The following TBL1X variants were observed in gnomAD, a reference collection of about 807,000 sequenced individuals.
TBL1X encodes the protein transducin beta like 1 X-linked.
TBL1X carries 10 observed loss-of-function variants against 50.7 expected under a neutral mutation model. That is an observed-to-expected ratio of 0.20 (90% CI 0.12 to 0.33). TBL1X has a LOEUF of 0.33. Ranked by LOEUF, TBL1X falls within the 10% of genes least tolerant of loss-of-function variation. The pLI is 1.00. For missense variants in TBL1X, 340 were observed against 504.4 expected (o/e 0.67, Z 3.12); for synonymous variants, 190 against 214.7 (o/e 0.88, Z 1.01).
rs747036481 is a variant in TBL1X at position 9,697,493 on chromosome X, C to T, written c.1114+64C>T. 102 of 1,191,287 alleles carry T rather than the reference C, an allele frequency of 8.6e-5. No individual in the cohort carries two copies. The Middle Eastern group carries it at 9.8e-4, about 11-fold the overall frequency. ...GTAATTCAAAAATAATAATTCAGGTCGAGCCCAGTGGCTTACGCCTGTAAT... is the reference window on the plus strand; with the variant it reads ...GTAATTCAAAAATAATAATTCAGGTTGAGCCCAGTGGCTTACGCCTGTAAT... On this transcript the variant is annotated intron_variant, in intron 12 of 17. Transcript: ENST00000645353.
At chrX:9,540,635 G>A (rs759652562) in intron 2 of TBL1X, among the ~76,000 whole-genome samples, 1 of 112,761 alleles carries the variant, frequency 8.9e-6, no homozygotes, top group Non-Finnish European at 1.9e-5. Flanking sequence ...TGCTGACTTA[G>A]GAAGAGCAAA....
intron 2 of TBL1X, among the ~76,000 whole-genome samples, chrX:9,600,469 C>CGGGG (rs1236527927): frequency 4.5e-3 from 51 of 11,302 alleles, no homozygotes; most frequent in African/African-American, 0.014. Flanking sequence ...ATTTGGTGGG[C>CGGGG]GGGGGGGGGG....
chrX:9,546,888 G>A (rs1384373120), intron 2 of TBL1X, among the ~76,000 whole-genome samples: 7 of 87,397 alleles, frequency 8.0e-5, no homozygotes, highest in Non-Finnish European at 4.3e-5. Flanking sequence ...GCGCGATCTC[G>A]GCTCACTGCA....
chrX:9,470,619 T>C (rs764508238), intron 1 of TBL1X, among the ~76,000 whole-genome samples: 1 of 112,261 alleles, frequency 8.9e-6, no homozygotes, highest in South Asian at 3.7e-4. Flanking sequence ...GATGGGACAT[T>C]TTCTAATGTC....
intron 2 of TBL1X, among the ~76,000 whole-genome samples, chrX:9,568,043 G>C (rs1265567078): frequency 8.9e-6 from 1 of 112,064 alleles, no homozygotes; most frequent in African/African-American, 3.2e-5. Flanking sequence ...TGATTGGCCT[G>C]GGTGCTGTTG....
At chrX:9,685,717 CTTTTTTT>C (rs752837096) in intron 6 of TBL1X, among the ~76,000 whole-genome samples, 4 of 59,651 alleles carry the variant, frequency 6.7e-5, no homozygotes, top group Non-Finnish European at 8.6e-5. Flanking sequence ...CTTTTCTTTT[CTTTTTTT>C]TTTTTTTTTT....
intron 2 of TBL1X, among the ~76,000 whole-genome samples, chrX:9,570,452 G>T (rs1386750276): frequency 9.0e-6 from 1 of 111,143 alleles, no homozygotes; most frequent in Non-Finnish European, 1.9e-5. Context: ...TTTGAATCAC[G>T]TGGACATTCA....
At chrX:9,619,129 G>A (rs1305267079) in intron 2 of TBL1X, among the ~76,000 whole-genome samples, 5 of 112,186 alleles carry the variant, frequency 4.5e-5, no homozygotes. Flanking sequence ...ATGACTTATG[G>A]ATTTATGCAC....
intron 2 of TBL1X, among the ~76,000 whole-genome samples, chrX:9,531,802 A>G (rs1222343491): frequency 1.4e-4 from 15 of 108,513 alleles, no homozygotes; most frequent in Non-Finnish European, 2.9e-4. Flanking sequence ...GCACTATCTC[A>G]GCTCACCGCA....
chrX:9,630,717 A>G (rs988282542), intron 2 of TBL1X, among the ~76,000 whole-genome samples: 1 of 111,390 alleles, frequency 9.0e-6, no homozygotes, highest in African/African-American at 3.3e-5. Context: ...CTGGGACTAC[A>G]GGCGTGAGCT....
intron 2 of TBL1X, among the ~76,000 whole-genome samples, chrX:9,589,268 A>T (rs773106240): frequency 1.3e-3 from 146 of 110,727 alleles, no homozygotes; most frequent in African/African-American, 4.6e-3. Flanking sequence ...CACCAGAAGT[A>T]TATCCTCTCA....
chrX:9,658,020 G>A (rs1406002885), intron 5 of TBL1X, among the ~76,000 whole-genome samples: 1 of 111,298 alleles, frequency 9.0e-6, no homozygotes, highest in African/African-American at 3.3e-5. Flanking sequence ...TGCTGTTCTC[G>A]TGAAAAGTGA....
intron 2 of TBL1X, among the ~76,000 whole-genome samples, chrX:9,517,561 C>G (rs751090919): frequency 5.3e-5 from 6 of 112,224 alleles, no homozygotes; most frequent in Non-Finnish European, 1.1e-4. Flanking sequence ...AAGGCCAAGG[C>G]AGTGACAAAT....
At position 9,718,780 on chromosome X, in the gene TBL1X, T is replaced by C. The variant is rs1410567038; in HGVS notation, c.*2534T>C. On this transcript the variant is annotated 3_prime_UTR_variant, in exon 18 of 18. Coordinates refer to ENST00000645353, the MANE Select transcript of TBL1X (RefSeq NM_005647.4). ...GAGGGATGGCTTTAGTCTTGATGAA[T>C]GTGAACCATGTCGGAATTGTTAGGT... 1.8e-5 allele frequency: 2 copies of C among 111,976 alleles called. No individual in the cohort carries two copies. The highest frequency in any genetic ancestry group is 1.9e-5 in the Non-Finnish European group (1 of 53,148). 9.2% of individuals were successfully genotyped at this position (111,976 alleles called of 1,213,427 possible).
intron 2 of TBL1X, among the ~76,000 whole-genome samples, chrX:9,576,362 C>G (rs1378466657): frequency 8.9e-6 from 1 of 112,382 alleles, no homozygotes; most frequent in African/African-American, 3.2e-5. Context: ...CTGGGTAACT[C>G]TGGGAGCACA....
intron 2 of TBL1X, among the ~76,000 whole-genome samples, chrX:9,603,536 C>G (rs768316419): frequency 4.5e-5 from 5 of 111,732 alleles, no homozygotes; most frequent in Non-Finnish European, 9.4e-5. Flanking sequence ...GGTGGAGGCA[C>G]GCCGGACCCG....
At chrX:9,670,188 A>G (rs1476299915) in intron 5 of TBL1X, among the ~76,000 whole-genome samples, 1 of 111,523 alleles carries the variant, frequency 9.0e-6, no homozygotes, top group Non-Finnish European at 1.9e-5. Context: ...ACTGTTGTAG[A>G]ACCTAAGATT....
chrX:9,653,700 T>C lies in TBL1X; in HGVS notation c.103+11T>C. ...GTTTGCGAGGGAGAGGTACTGCGGT[T>C]CCTCATGTGGCCAGGACCGTGTGGT... On this transcript the variant is annotated intron_variant, in intron 4 of 17. Transcript: ENST00000645353. 1 of 1,160,535 alleles carries C rather than the reference T, an allele frequency of 8.6e-7. No individual in the cohort carries two copies. The highest frequency in any genetic ancestry group is 1.2e-6 in the Non-Finnish European group (1 of 866,293).
intron 2 of TBL1X, among the ~76,000 whole-genome samples, chrX:9,531,894 C>T (rs906050809): frequency 2.5e-4 from 28 of 110,646 alleles, no homozygotes; most frequent in Non-Finnish European, 4.2e-4. Context: ...CACTACCACC[C>T]GGCTAATTTT....
Sources: gnomAD v4.1 joint callset for allele counts (sites outside exome capture counted in the v4.1 genomes callset) on GRCh38, gnomAD v4.1.1 for gene constraint, MANE v1.5 for transcripts, NCBI Gene and HGNC (gene_info 2026-07-23, HGNC 2026-07-21) for gene names.